The following LRRC7 variants were observed in gnomAD, a reference collection of about 807,000 sequenced individuals.
LRRC7 encodes the protein leucine-rich repeat-containing protein 7.
A neutral mutation model predicts 175.7 loss-of-function variants in LRRC7; 23 were observed. The ratio of observed to expected loss-of-function variants is 0.13; its 90% CI spans 0.09 to 0.19. The LOEUF (loss-of-function observed/expected upper bound fraction) is 0.19. LRRC7 is among the 10% of genes least tolerant of loss of function. The probability of loss-of-function intolerance (pLI) is 1.00; values close to 1 mark genes in which losing one functional copy is unlikely to be tolerated. For synonymous variants in LRRC7, 685 were observed against 680.9 expected (o/e 1.01, Z -0.09); for missense variants, 1,354 against 1,904.7 (o/e 0.71, Z 5.38).
At chr1:69,573,022 C>G (rs549785626) in intron 1 of LRRC7, among the ~76,000 whole-genome samples, 5 of 152,202 alleles carry the variant, frequency 3.3e-5, no homozygotes, top group Admixed American at 1.3e-4. Context: ...ATGAACATCA[C>G]TTGTCATACT....
At chr1:69,880,464 G>C (rs986555253) in intron 7 of LRRC7, among the ~76,000 whole-genome samples, 7 of 152,158 alleles carry the variant, frequency 4.6e-5, no homozygotes, top group African/African-American at 1.4e-4. Context: ...GTGCTATGCA[G>C]TCGGATAGAA....
At chr1:69,904,859 TC>T (rs1194952507) in intron 7 of LRRC7, among the ~76,000 whole-genome samples, 2 of 152,130 alleles carry the variant, frequency 1.3e-5, no homozygotes, top group East Asian at 3.9e-4. Context: ...GGCGTCTGTT[TC>T]CTTTTTCTTG....
At chr1:70,051,782 T>C (rs967781937) in intron 22 of LRRC7, among the ~76,000 whole-genome samples, 2 of 152,032 alleles carry the variant, frequency 1.3e-5, no homozygotes, top group Admixed American at 6.6e-5. Flanking sequence ...TCTAGTGTCA[T>C]ATTAAATCCT....
chr1:69,755,817 A>G (rs1670359293), intron 2 of LRRC7, among the ~76,000 whole-genome samples: 1 of 151,908 alleles, frequency 6.6e-6, no homozygotes, highest in African/African-American at 2.4e-5. Context: ...TTTTTCCTGA[A>G]TATCTTTTGG....
At chr1:69,881,773 G>T (rs1020677430) in intron 7 of LRRC7, among the ~76,000 whole-genome samples, 2 of 151,374 alleles carry the variant, frequency 1.3e-5, no homozygotes, top group African/African-American at 2.4e-5. Context: ...TCAGCTACTT[G>T]GGAGGCTGAG....
chr1:69,802,876 A>T (rs1212325892), intron 4 of LRRC7, among the ~76,000 whole-genome samples: 2 of 151,382 alleles, frequency 1.3e-5, no homozygotes, highest in Admixed American at 6.6e-5. Context: ...TATCACAAAG[A>T]TATTTTTCTA....
At chr1:69,849,876 C>T (rs202165784) in intron 7 of LRRC7, among the ~76,000 whole-genome samples, 15 of 152,174 alleles carry the variant, frequency 9.9e-5, no homozygotes, top group East Asian at 5.8e-4. Context: ...GTGTCAGACA[C>T]TATTCTCAGT....
At chr1:70,098,591 A>C (rs1664579369) in intron 25 of LRRC7, among the ~76,000 whole-genome samples, 1 of 151,884 alleles carries the variant, frequency 6.6e-6, no homozygotes, top group Non-Finnish European at 1.5e-5. Context: ...AATAAAGAAA[A>C]AAAGAGAGAA....
At chr1:69,796,522 C>T (rs1243058852) in intron 4 of LRRC7, among the ~76,000 whole-genome samples, 8 of 152,054 alleles carry the variant, frequency 5.3e-5, no homozygotes, top group South Asian at 2.1e-4. Context: ...CAGTGGCTCA[C>T]GCCTGTAATC....
intron 2 of LRRC7, among the ~76,000 whole-genome samples, chr1:69,747,851 G>A (rs1458960877): frequency 5.3e-5 from 8 of 152,010 alleles, no homozygotes; most frequent in African/African-American, 1.9e-4. Context: ...ATGAGCTTCT[G>A]ATTCTTCCAT....
rs1440527574 is a variant in LRRC7, at chr1:70,125,855, A to G, written c.*3968A>G. On this transcript the variant is annotated 3_prime_UTR_variant, in exon 27 of 27. Transcript: ENST00000651989. The stretch of plus-strand genomic sequence containing the variant: ...AGAAAACATGGAAGAAATTAGATTT[A>G]TATATTCAAATATTAAGTGAAAAGT... Among the ~76,000 whole-genome samples, 1 of 151,278 alleles carries G rather than the reference A, an allele frequency of 6.6e-6. No individual in the cohort carries two copies. Among genetic ancestry groups the G allele is most frequent in the African/African-American group, 2.4e-5 (1 of 41,294 alleles).
intron 3 of LRRC7, among the ~76,000 whole-genome samples, chr1:69,767,761 C>T (rs1671783351): frequency 6.6e-6 from 1 of 152,150 alleles, no homozygotes; most frequent in African/African-American, 2.4e-5. Context: ...CGTGCCTAGC[C>T]AATCCAGTAT....
intron 8 of LRRC7, among the ~76,000 whole-genome samples, chr1:69,941,179 A>T (rs890145487): frequency 6.6e-6 from 1 of 152,060 alleles, no homozygotes; most frequent in Non-Finnish European, 1.5e-5. Flanking sequence ...CAAATGAGAA[A>T]AGTATTGGGA....
chr1:69,648,447 T>A (rs1655313723), intron 1 of LRRC7, among the ~76,000 whole-genome samples: 1 of 152,064 alleles, frequency 6.6e-6, no homozygotes, highest in South Asian at 2.1e-4. Context: ...TCTGCCTTGC[T>A]CCATGTCCAG....
intron 7 of LRRC7, among the ~76,000 whole-genome samples, chr1:69,893,612 G>A (rs1645897986): frequency 6.6e-6 from 1 of 152,088 alleles, no homozygotes; most frequent in African/African-American, 2.4e-5. Flanking sequence ...ACTTTGAAAT[G>A]TAAATTATTT....
chr1:70,075,118 T>C (rs17462377), intron 23 of LRRC7, among the ~76,000 whole-genome samples: 4,821 of 152,310 alleles, frequency 0.032, 101 homozygotes, highest in Non-Finnish European at 0.051. Flanking sequence ...GGTGAAGTAC[T>C]AAGCACAGCA....
intron 2 of LRRC7, among the ~76,000 whole-genome samples, chr1:69,740,334 T>C (rs1474512052): frequency 3.3e-5 from 5 of 152,110 alleles, no homozygotes; most frequent in Non-Finnish European, 7.4e-5. Flanking sequence ...TTTCTCTGTG[T>C]GTACACATCC....
At chr1:70,019,877 AT>A (rs1358562457) in intron 15 of LRRC7, among the ~76,000 whole-genome samples, 1 of 152,006 alleles carries the variant, frequency 6.6e-6, no homozygotes, top group Non-Finnish European at 1.5e-5. Flanking sequence ...TTATATTTTC[AT>A]TTTAATAGCT....
At chr1:69,648,593 C>G (rs1145923) in intron 1 of LRRC7, among the ~76,000 whole-genome samples, 19,521 of 152,184 alleles carry the variant, frequency 0.13, 1,596 homozygotes, top group South Asian at 0.19. Context: ...TACATATCCT[C>G]CATCATGTTT....
Sources: allele counts gnomAD v4.1 joint callset (sites outside exome capture counted in the v4.1 genomes callset), GRCh38; gene constraint gnomAD v4.1.1; transcripts MANE v1.5; gene names NCBI Gene and HGNC (gene_info 2026-07-23, HGNC 2026-07-21).